The following RGS6 variants were observed in gnomAD, a reference collection of about 807,000 sequenced individuals.
RGS6 encodes the protein regulator of G protein signaling 6, also known as regulator of G-protein signaling 6.
RGS6 carries 30 observed loss-of-function variants against 78.5 expected under a neutral mutation model. That is an observed-to-expected ratio of 0.38 (90% CI 0.29 to 0.52). RGS6 has a LOEUF of 0.52. Ranked by LOEUF, RGS6 falls within the 20% of genes least tolerant of loss-of-function variation. The pLI is 0.85. For synonymous variants in RGS6, 206 were observed against 206.0 expected, an observed-to-expected ratio of 1.00 and a Z score of 0.00; for missense variants, 495 against 609.7, an observed-to-expected ratio of 0.81 and a Z score of 1.98.
At chr14:72,447,122 A>G (rs1597642906) in intron 3 of RGS6, among the ~76,000 whole-genome samples, 1 of 152,164 alleles carries the variant, frequency 6.6e-6, no homozygotes. Context: ...AGACTGTTGC[A>G]TTCTGGGAAG....
intron 2 of RGS6, among the ~76,000 whole-genome samples, chr14:72,180,705 A>G (rs117289952): frequency 9.9e-5 from 15 of 152,224 alleles, no homozygotes; most frequent in Non-Finnish European, 1.5e-4. Flanking sequence ...CCTTTGCAGT[A>G]GTGTTGAGAC....
the RGS6 span, among the ~76,000 whole-genome samples, chr14:72,619,065 G>A: frequency 6.6e-6 from 1 of 152,214 alleles, no homozygotes; most frequent in Admixed American, 6.5e-5. Context: ...TTCTCCCAAA[G>A]TGCAACTTCC....
chr14:72,304,153 T>G (rs2066714304), intron 2 of RGS6, among the ~76,000 whole-genome samples: 1 of 149,588 alleles, frequency 6.7e-6, no homozygotes, highest in Non-Finnish European at 1.5e-5. Flanking sequence ...TTTGCTCTGC[T>G]GTGGACTGTA....
Position 72,352,141 on chromosome 14 carries a change from T to C in RGS6, c.131T>C (p.Val44Ala), listed in dbSNP as rs887972104. 3.7e-6 allele frequency: 6 copies of C among 1,613,636 alleles called. No homozygotes were observed. Among genetic ancestry groups the C allele is most frequent in the Non-Finnish European group, 5.1e-6 (6 of 1,179,778 alleles). ...ATGCAAGATGACAAGACAGGGGGTG[T>C]GCCCATCAGAACAGTCAAGAGCTTT... The part of the protein sequence containing the change: ...TKMQDDKTGG[V>A]PIRTVKSFLS... Residue 44 changes from valine to alanine, a missense_variant, in exon 3 of 18, where the codon GTG becomes GCG. Transcript: ENST00000553525.
chr14:72,520,535 C>T (rs556898671), intron 15 of RGS6, among the ~76,000 whole-genome samples: 19 of 152,282 alleles, frequency 1.2e-4, no homozygotes, highest in African/African-American at 3.4e-4. Flanking sequence ...AAAACAACAA[C>T]GTACTAATTT....
chr14:71,983,329 A>G (rs1196569596), intron 2 of RGS6, among the ~76,000 whole-genome samples: 1 of 152,134 alleles, frequency 6.6e-6, no homozygotes, highest in Non-Finnish European at 1.5e-5. Flanking sequence ...ACCTTACCTG[A>G]CTCCAGAGAC....
intron 10 of RGS6, among the ~76,000 whole-genome samples, chr14:72,476,421 C>T: frequency 6.6e-6 from 1 of 152,190 alleles, no homozygotes; most frequent in South Asian, 2.1e-4. Flanking sequence ...CGAGGGGATA[C>T]TCAGCAACGT....
intron 2 of RGS6, among the ~76,000 whole-genome samples, chr14:72,252,602 A>C (rs2056082977): frequency 6.6e-6 from 1 of 152,196 alleles, no homozygotes; most frequent in Non-Finnish European, 1.5e-5. Flanking sequence ...TGTCATTCAC[A>C]ATTTTCTCAA....
the RGS6 span, among the ~76,000 whole-genome samples, chr14:71,879,179 A>G: frequency 6.6e-6 from 1 of 152,248 alleles, no homozygotes; most frequent in Non-Finnish European, 1.5e-5. Context: ...ATGGATTTAT[A>G]GAAAAAATTA....
chr14:72,534,660 G>T (rs1375475331), intron 15 of RGS6, among the ~76,000 whole-genome samples: 1 of 152,124 alleles, frequency 6.6e-6, no homozygotes, highest in Non-Finnish European at 1.5e-5. Flanking sequence ...TTTCTTTTGT[G>T]CTGGGTAAGG....
intron 3 of RGS6, among the ~76,000 whole-genome samples, chr14:72,369,792 A>G (rs1356939047): frequency 2.0e-5 from 3 of 152,190 alleles, no homozygotes; most frequent in Non-Finnish European, 4.4e-5. Flanking sequence ...GGATATCATA[A>G]CTAATCATAT....
At chr14:72,083,714 T>C (rs1311617054) in intron 2 of RGS6, among the ~76,000 whole-genome samples, 2 of 152,220 alleles carry the variant, frequency 1.3e-5, no homozygotes, top group African/African-American at 4.8e-5. Context: ...TCTTCTTGCC[T>C]GTTAAACTTT....
downstream of RGS6, among the ~76,000 whole-genome samples, chr14:72,569,726 A>T (rs2097718165): frequency 6.6e-6 from 1 of 152,124 alleles, no homozygotes; most frequent in East Asian, 1.9e-4. Flanking sequence ...GAACGAATGA[A>T]CAAGGAGTTA....
At position 72,172,844 on chromosome 14, in the gene RGS6, G is replaced by A. The variant is rs150434273; in HGVS notation, c.85-179251G>A. Among the ~76,000 whole-genome samples the A allele has an allele frequency of 5.3e-3, 806 of 152,262 alleles. 7 individuals carry two copies. Among genetic ancestry groups the A allele is most frequent in the African/African-American group, 0.019 (775 of 41,544 alleles). ...ACAAATATATCCTCTGTCAGGTGGG[G>A]GTAAAGCGCTTCTGATGACAAATAA... is the stretch of plus-strand genomic sequence containing the variant. On this transcript the variant is annotated intron_variant, in intron 2 of 17. Transcript: ENST00000553525.
At chr14:72,232,542 G>A (rs2049914503) in intron 2 of RGS6, among the ~76,000 whole-genome samples, 1 of 152,210 alleles carries the variant, frequency 6.6e-6, no homozygotes, top group East Asian at 1.9e-4. Context: ...TAAGAATGAA[G>A]ATAACTCTCT....
intron 2 of RGS6, among the ~76,000 whole-genome samples, chr14:72,105,645 A>G (rs182425846): frequency 2.3e-4 from 35 of 152,274 alleles, no homozygotes; most frequent in Middle Eastern, 3.4e-3. Context: ...CTGATATTTG[A>G]ACATAAACCA....
intron 15 of RGS6, among the ~76,000 whole-genome samples, chr14:72,528,591 G>A (rs2097145875): frequency 6.6e-6 from 1 of 152,154 alleles, no homozygotes; most frequent in African/African-American, 2.4e-5. Context: ...CTTGTTCATA[G>A]TCAGCTTAGT....
At chr14:71,985,801 G>C (rs1286143444) in intron 2 of RGS6, among the ~76,000 whole-genome samples, 2 of 152,100 alleles carry the variant, frequency 1.3e-5, no homozygotes, top group East Asian at 3.9e-4. Flanking sequence ...TTTCGACTTG[G>C]AACCCTTCCA....
chr14:71,888,513 C>T, the RGS6 span, among the ~76,000 whole-genome samples: 1 of 152,090 alleles, frequency 6.6e-6, no homozygotes, highest in African/African-American at 2.4e-5. Context: ...GCTCATCCCA[C>T]AGGAAACAAA....
Sources: allele counts gnomAD v4.1 joint callset (sites outside exome capture counted in the v4.1 genomes callset), GRCh38; gene constraint gnomAD v4.1.1; transcripts MANE v1.5; gene names NCBI Gene and HGNC (gene_info 2026-07-23, HGNC 2026-07-21).